PAK4: variants seen among roughly 807,000 people sequenced by gnomAD.
PAK4 encodes the protein serine/threonine-protein kinase PAK 4.
PAK4 carries 49 observed loss-of-function variants against 53.5 expected under a neutral mutation model. That is an observed-to-expected ratio of 0.92 (90% CI 0.73 to 1.16). The LOEUF (loss-of-function observed/expected upper bound fraction) is 1.16. PAK4 is among the 50% of genes most tolerant of loss of function. The pLI is 0.00. For synonymous variants in PAK4, 376 were observed against 375.6 expected, an observed-to-expected ratio of 1.00 and a Z score of -0.01; for missense variants, 824 against 850.7, an observed-to-expected ratio of 0.97 and a Z score of 0.39.
intron 1 of PAK4, among the ~76,000 whole-genome samples, chr19:39,128,863 T>C (rs1411114720): frequency 2.6e-5 from 4 of 152,180 alleles, no homozygotes; most frequent in Non-Finnish European, 5.9e-5. Context: ...ACATTGCAAC[T>C]CCCTGGAGAG....
chr19:39,157,324 C>T (rs984114326), intron 1 of PAK4, among the ~76,000 whole-genome samples: 6 of 152,020 alleles, frequency 3.9e-5, no homozygotes, highest in Admixed American at 6.5e-5. Context: ...GGAGTGTCTG[C>T]GGCATTGTGT....
At chr19:39,151,039 G>A (rs1243096151) in intron 1 of PAK4, among the ~76,000 whole-genome samples, 2 of 152,222 alleles carry the variant, frequency 1.3e-5, no homozygotes, top group Non-Finnish European at 2.9e-5. Context: ...GCCTGTGGCC[G>A]GAGCAGGTGG....
chr19:39,126,349 G>A (rs980112269), intron 1 of PAK4, among the ~76,000 whole-genome samples: 1 of 151,356 alleles, frequency 6.6e-6, no homozygotes, highest in Non-Finnish European at 1.5e-5. Context: ...CAAAGCTGGG[G>A]CGTGCCTAGA....
In PAK4 at chr19:39,178,348, G is replaced by A. The variant is rs1176587311; in HGVS notation, c.1621-76G>A. ...GTACATGCCGCCAGCCGACTTGGCA[G>A]AGGCGGACACTGCAGCCCTACAGCA... On this transcript the variant is annotated intron_variant, in intron 8 of 8. Coordinates refer to ENST00000358301, the Ensembl canonical transcript of PAK4. The surrounding 1 kb of genome is among the most constrained non-coding windows in gnomAD (Gnocchi z 4.4). The A allele has an allele frequency of 6.7e-7, 1 of 1,492,480 alleles. No homozygotes were observed. Among genetic ancestry groups the A allele is most frequent in the African/African-American group, 1.4e-5 (1 of 72,052 alleles). The allele number at this position is 1,492,480 out of a possible 1,614,324, so 92.5% of individuals were successfully genotyped here.
At chr19:39,126,288 CT>C (rs2071844380) in intron 1 of PAK4, among the ~76,000 whole-genome samples, 1 of 152,028 alleles carries the variant, frequency 6.6e-6, no homozygotes, top group African/African-American at 2.4e-5. Flanking sequence ...AAAGCTGCCC[CT>C]AGCGGAGCAG....
intron 1 of PAK4, among the ~76,000 whole-genome samples, chr19:39,165,556 T>TAAATAAATAAATAAAAAA: frequency 8.1e-6 from 1 of 124,088 alleles, no homozygotes; most frequent in East Asian, 2.8e-4. Flanking sequence ...ATAAATAAAA[T>TAAATAAATAAATAAAAAA]AATAATAGAC....
chr19:39,171,498 T>C (rs1328280996), intron 2 of PAK4, among the ~76,000 whole-genome samples: 1 of 152,196 alleles, frequency 6.6e-6, no homozygotes, highest in African/African-American at 2.4e-5. Flanking sequence ...CACTGCTTCT[T>C]GCCTCAACGC....
chr19:39,146,531 A>G (rs565095369), intron 1 of PAK4, among the ~76,000 whole-genome samples: 2 of 152,346 alleles, frequency 1.3e-5, no homozygotes, highest in East Asian at 1.9e-4. Flanking sequence ...AGATTCTCCT[A>G]CAGTTGTAAG....
chr19:39,138,646 G>A (rs2073860719), intron 1 of PAK4, among the ~76,000 whole-genome samples: 1 of 152,232 alleles, frequency 6.6e-6, no homozygotes, highest in Non-Finnish European at 1.5e-5. Flanking sequence ...AGGACCTCAT[G>A]GCGGTGGCAG....
intron 1 of PAK4, among the ~76,000 whole-genome samples, chr19:39,141,408 T>G (rs967370702): frequency 6.2e-4 from 90 of 144,666 alleles, no homozygotes; most frequent in Non-Finnish European, 1.2e-4. Context: ...CTCCGCCTCC[T>G]GGGTTCAAGT....
chr19:39,156,644 A>G (rs691080), intron 1 of PAK4: 93,279 of 151,640 alleles, frequency 0.62, 28,947 homozygotes, highest in East Asian at 0.82. Context: ...GTGGGTGGAA[A>G]CCACAGCCGA....
At chr19:39,144,167 TA>T (rs2073961646) in intron 1 of PAK4, among the ~76,000 whole-genome samples, 6 of 70,072 alleles carry the variant, frequency 8.6e-5, no homozygotes, top group Non-Finnish European at 1.8e-4. Flanking sequence ...TAGATTAGAT[TA>T]GATAGATAGA....
rs1185235604 is a variant in PAK4, at chr19:39,161,411, G to A, written c.-22-8121G>A. Among the ~76,000 whole-genome samples the A allele has an allele frequency of 6.6e-6, 1 of 152,146 alleles. No individual in the cohort carries two copies. Among genetic ancestry groups the A allele is most frequent in the African/African-American group, 2.4e-5 (1 of 41,434 alleles). On this transcript the variant is annotated intron_variant, in intron 1 of 8. Coordinates refer to ENST00000358301, the Ensembl canonical transcript of PAK4. This position sits in a 1 kb window ranked among gnomAD's most constrained non-coding sequence, Gnocchi z 4.5. ...GACCAGGCCAAGCCCCTGCCTATGA[G>A]CTCACGCTGCAGCCCTCGGCCAGTC... is the stretch of plus-strand genomic sequence containing the variant.
intron 1 of PAK4, among the ~76,000 whole-genome samples, chr19:39,132,632 G>A (rs1322214646): frequency 6.6e-6 from 1 of 152,250 alleles, no homozygotes; most frequent in Non-Finnish European, 1.5e-5. Context: ...GCGCCCGCCT[G>A]AGTGTGGCTG....
intron 1 of PAK4, among the ~76,000 whole-genome samples, chr19:39,142,695 T>G (rs1407107395): frequency 6.6e-6 from 1 of 152,212 alleles, no homozygotes; most frequent in Non-Finnish European, 1.5e-5. Context: ...CCACCCACCC[T>G]GGCAACCCCT....
At chr19:39,155,012 C>T (rs1039655660) in intron 1 of PAK4, among the ~76,000 whole-genome samples, 3 of 152,250 alleles carry the variant, frequency 2.0e-5, no homozygotes, top group African/African-American at 4.8e-5. Flanking sequence ...GTGGAGATAA[C>T]ATCTGCCCTT....
rs186548133 is a variant in PAK4 at position 39,161,428 on chromosome 19, C to T, written c.-22-8104C>T. On this transcript the variant is annotated intron_variant, in intron 1 of 8. Coordinates refer to ENST00000358301, the Ensembl canonical transcript of PAK4. This position sits in a 1 kb window ranked among gnomAD's most constrained non-coding sequence, Gnocchi z 4.5. ...GCCTATGAGCTCACGCTGCAGCCCT[C>T]GGCCAGTCCTGCCACCTCCACCTTT... Among the ~76,000 whole-genome samples, 57 of 152,252 alleles carry T rather than the reference C, an allele frequency of 3.7e-4. No individual in the cohort carries two copies. Among genetic ancestry groups the T allele is most frequent in the African/African-American group, 1.2e-3 (49 of 41,552 alleles).
intron 6 of PAK4, among the ~76,000 whole-genome samples, chr19:39,176,328 C>G (rs761928785): frequency 6.6e-6 from 1 of 152,194 alleles, no homozygotes; most frequent in Non-Finnish European, 1.5e-5. Flanking sequence ...GTACTCAGGC[C>G]AGTGTCCCCA....
In PAK4 at chr19:39,144,527, C is replaced by A. The variant is rs537968330; in HGVS notation, c.-23+18608C>A. Among the ~76,000 whole-genome samples the A allele has an allele frequency of 6.6e-5, 10 of 152,352 alleles. No homozygotes were observed. The South Asian group carries it at 2.1e-3, about 32-fold the overall frequency. Reference sequence around the variant, plus strand: ...GGTGACCAGCTGTGGTGCCCCAGGGCAGGGACTTGTTGATCTGGGTTTGTT... The same window carrying A: ...GGTGACCAGCTGTGGTGCCCCAGGGAAGGGACTTGTTGATCTGGGTTTGTT... On this transcript the variant is annotated intron_variant, in intron 1 of 8. Transcript: ENST00000358301.
Sources: gnomAD v4.1 joint callset for allele counts (sites outside exome capture counted in the v4.1 genomes callset) on GRCh38, gnomAD v4.1.1 for gene constraint, Gnocchi (gnomAD v3.1) non-coding constraint, MANE v1.5 for transcripts, NCBI Gene and HGNC (gene_info 2026-07-23, HGNC 2026-07-21) for gene names.